The following PAM variants were observed in gnomAD, a reference collection of about 807,000 sequenced individuals.
PAM encodes the protein peptidyl-glycine alpha-amidating monooxygenase.
A neutral mutation model predicts 122.1 loss-of-function variants in PAM; 72 were observed. That is an observed-to-expected ratio of 0.59 (90% CI 0.49 to 0.72). The LOEUF is 0.72. Among genes scored for constraint, PAM ranks in the 30% least tolerant of loss-of-function variants. The pLI is 0.00. For missense variants in PAM, 1,106 were observed against 1,183.7 expected (o/e 0.93, Z 0.96); for synonymous variants, 389 against 404.4 (o/e 0.96, Z 0.46).
chr5:102,801,370 C>T (rs1681540560), intron 1 of PAM, among the ~76,000 whole-genome samples: 1 of 152,148 alleles, frequency 6.6e-6, no homozygotes, highest in South Asian at 2.1e-4. Flanking sequence ...ATTATTGATG[C>T]TTTTTATTCT....
intron 3 of PAM, among the ~76,000 whole-genome samples, chr5:102,870,511 G>T (rs1051683539): frequency 1.6e-4 from 25 of 152,144 alleles, no homozygotes; most frequent in African/African-American, 6.0e-4. Flanking sequence ...ACTTTAAAGT[G>T]GCAATTAAAA....
intron 1 of PAM, among the ~76,000 whole-genome samples, chr5:102,780,761 TTC>T (rs1246308334): frequency 2.9e-4 from 8 of 27,898 alleles, no homozygotes; most frequent in Admixed American, 7.9e-4. Context: ...TTCTCTTTCT[TTC>T]TTTCTTTCTT....
At chr5:102,908,893 A>G (rs926373254) in intron 4 of PAM, among the ~76,000 whole-genome samples, 1 of 151,688 alleles carries the variant, frequency 6.6e-6, no homozygotes, top group African/African-American at 2.4e-5. Context: ...AAAATAGACT[A>G]TGATGCTGTG....
intron 5 of PAM, among the ~76,000 whole-genome samples, chr5:102,924,104 A>G (rs1748435052): frequency 6.6e-6 from 1 of 152,184 alleles, no homozygotes; most frequent in Non-Finnish European, 1.5e-5. Flanking sequence ...CAGTATTCAT[A>G]AACTCAAAAT....
chr5:102,941,827 A>T (rs1755314804), intron 7 of PAM, among the ~76,000 whole-genome samples: 1 of 108,882 alleles, frequency 9.2e-6, no homozygotes. Context: ...TCTAATCCAG[A>T]TGGTACAAAA....
chr5:102,856,277 G>A (rs1782595314), intron 1 of PAM, among the ~76,000 whole-genome samples: 1 of 152,138 alleles, frequency 6.6e-6, no homozygotes, highest in Non-Finnish European at 1.5e-5. Context: ...GATAGCTGAA[G>A]AGGTGTTTTG....
chr5:102,968,950 G>A (rs1013747832), intron 14 of PAM, among the ~76,000 whole-genome samples: 1 of 152,170 alleles, frequency 6.6e-6, no homozygotes, highest in Non-Finnish European at 1.5e-5. Context: ...GGATATGGAT[G>A]AAGCTGGAAA....
intron 15 of PAM, among the ~76,000 whole-genome samples, chr5:102,987,113 A>G (rs1239947823): frequency 6.6e-6 from 1 of 152,184 alleles, no homozygotes; most frequent in African/African-American, 2.4e-5. Flanking sequence ...TTACTGCAAT[A>G]CTATTTACAG....
intron 22 of PAM, among the ~76,000 whole-genome samples, chr5:103,018,930 C>T (rs1440804951): frequency 1.3e-5 from 2 of 152,138 alleles, no homozygotes; most frequent in East Asian, 1.9e-4. Flanking sequence ...CCCTTGCATG[C>T]GCAGTTCACA....
Position 102,960,169 on chromosome 5 carries a change from T to C in PAM, c.1090+110T>C. On this transcript the variant is annotated intron_variant, in intron 13 of 25. Transcript: ENST00000438793. ...CATCTTTATTCCCTTCTTCTACCAG[T>C]CACATGTACACACATATTTCTTATT... 4.8e-6 allele frequency: 3 copies of C among 629,602 alleles called. No homozygotes were observed. In the South Asian group the frequency reaches 7.1e-5, roughly 15 times the overall value. 39.0% of individuals were successfully genotyped at this position (629,602 alleles called of 1,614,324 possible).
intron 7 of PAM, among the ~76,000 whole-genome samples, chr5:102,944,111 C>T (rs1007356619): frequency 6.6e-6 from 1 of 152,036 alleles, no homozygotes; most frequent in Non-Finnish European, 1.5e-5. Context: ...TGTAAATGTC[C>T]TCAACATTAC....
At chr5:102,991,030 C>A (rs76269325) in intron 16 of PAM, among the ~76,000 whole-genome samples, 12 of 152,204 alleles carry the variant, frequency 7.9e-5, no homozygotes, top group Non-Finnish European at 1.8e-4. Context: ...TTTTCCTTTT[C>A]TACCTCCTTA....
chr5:102,977,436 G>A (rs1562107885), intron 15 of PAM, among the ~76,000 whole-genome samples: 1 of 152,094 alleles, frequency 6.6e-6, no homozygotes, highest in Non-Finnish European at 1.5e-5. Flanking sequence ...GTATCTCTAG[G>A]AGTACAAATA....
intron 1 of PAM, among the ~76,000 whole-genome samples, chr5:102,852,808 A>C (rs556870494): frequency 6.6e-6 from 1 of 152,346 alleles, no homozygotes; most frequent in Admixed American, 6.5e-5. Flanking sequence ...CAAGTAAAAA[A>C]TAGTAAACTT....
chr5:103,023,228 C>T (rs1271410281), intron 23 of PAM, among the ~76,000 whole-genome samples: 1 of 152,054 alleles, frequency 6.6e-6, no homozygotes, highest in African/African-American at 2.4e-5. Flanking sequence ...TTGCCCAATT[C>T]TGGTTCTGCC....
intron 1 of PAM, among the ~76,000 whole-genome samples, chr5:102,792,602 G>A (rs1320838079): frequency 6.6e-6 from 1 of 152,112 alleles, no homozygotes; most frequent in Non-Finnish European, 1.5e-5. Flanking sequence ...GTTGGAATGG[G>A]GCAGTGTAAT....
At chr5:102,929,479 T>C (rs1750701078) in intron 7 of PAM, among the ~76,000 whole-genome samples, 1 of 152,222 alleles carries the variant, frequency 6.6e-6, no homozygotes, top group Admixed American at 6.6e-5. Context: ...GGGAAGATTT[T>C]ATTTCGTGGT....
chr5:103,011,843 G>C (rs1460684916), intron 21 of PAM, among the ~76,000 whole-genome samples: 1 of 152,094 alleles, frequency 6.6e-6, no homozygotes, highest in Non-Finnish European at 1.5e-5. Context: ...CCTCCAAACT[G>C]TTCTATATAG....
At chr5:103,001,466 T>A (rs55652053) in intron 16 of PAM, among the ~76,000 whole-genome samples, 38,056 of 151,934 alleles carry the variant, frequency 0.25, 5,517 homozygotes, top group East Asian at 0.44. Flanking sequence ...CATAAATTTA[T>A]TTTTTTCTAG....
Sources: gnomAD v4.1 joint callset for allele counts (sites outside exome capture counted in the v4.1 genomes callset) on GRCh38, gnomAD v4.1.1 for gene constraint, MANE v1.5 for transcripts, NCBI Gene and HGNC (gene_info 2026-07-23, HGNC 2026-07-21) for gene names.